The following SLC35F1 variants were observed in gnomAD, a reference collection of about 807,000 sequenced individuals.
SLC35F1 encodes chromosome 6 open reading frame 169.
A neutral mutation model predicts 48.7 loss-of-function variants in SLC35F1; 14 were observed. The ratio of observed to expected loss-of-function variants is 0.29; its 90% confidence interval spans 0.19 to 0.45. The LOEUF is 0.45. SLC35F1 is among the 20% of genes least tolerant of loss of function. The pLI, the probability that SLC35F1 is intolerant of heterozygous loss-of-function variation, is 1.00. For missense variants in SLC35F1, 404 were observed against 500.0 expected (o/e 0.81, Z 1.83); for synonymous variants, 190 against 202.2 (o/e 0.94, Z 0.51).
rs1685321814 is a variant in SLC35F1, at chr6:117,999,580, A to T, written c.173+91681A>T. The T allele has an allele frequency of 9.1e-6, 6 of 659,908 alleles. No individual in the cohort carries two copies. The Admixed American group carries it at 1.1e-4, about 12-fold the overall frequency. The allele number at this position is 659,908 out of a possible 1,614,324, so 40.9% of individuals were successfully genotyped here. A position where few individuals can be genotyped will look rare whatever the true frequency, so the allele number is the denominator to read the frequency against. ...AAACCTGAGGCAGGAAAAAAAAAAA[A>T]AAGAAATACCTAAAATCAGAGCAGA... On this transcript the variant is annotated intron_variant, in intron 1 of 7. Coordinates refer to ENST00000360388, the MANE Select transcript of SLC35F1 (RefSeq NM_001029858.4).
At chr6:118,233,841 T>C (rs1775328295) in intron 2 of SLC35F1, among the ~76,000 whole-genome samples, 1 of 152,198 alleles carries the variant, frequency 6.6e-6, no homozygotes, top group Admixed American at 6.5e-5. Context: ...AGAAAGACTT[T>C]GTGCATGCTT....
At chr6:117,966,122 C>A (rs1776560564) in intron 1 of SLC35F1, among the ~76,000 whole-genome samples, 1 of 90,834 alleles carries the variant, frequency 1.1e-5, no homozygotes, top group Non-Finnish European at 2.2e-5. Context: ...GGAATAAAAG[C>A]AGGCCACCGC....
rs1582577149 is a variant in SLC35F1, at chr6:117,943,565, G to T, written c.173+35666G>T. On this transcript the variant is annotated intron_variant, in intron 1 of 7. Coordinates refer to ENST00000360388, the MANE Select transcript of SLC35F1 (RefSeq NM_001029858.4). Reference sequence around the variant, plus strand: ...TTCTTATGGCTTTAAGAATACATCAGTAGGAGGTCAGAAATAATTAAAATT... The same window carrying T: ...TTCTTATGGCTTTAAGAATACATCATTAGGAGGTCAGAAATAATTAAAATT... 2.6e-5 allele frequency among the ~76,000 whole-genome samples: 4 copies of T among 152,328 alleles called. No individual in the cohort carries two copies. In the South Asian group the frequency reaches 8.3e-4, roughly 32 times the overall value.
At chr6:118,142,755 G>C (rs2114446067) in intron 1 of SLC35F1, among the ~76,000 whole-genome samples, 1 of 152,168 alleles carries the variant, frequency 6.6e-6, no homozygotes, top group African/African-American at 2.4e-5. Flanking sequence ...CATCTTTTAA[G>C]GCAGTCTGTC....
Position 118,070,708 on chromosome 6 carries a change from G to C in SLC35F1, c.174-83737G>C, listed in dbSNP as rs116074387. Among the ~76,000 whole-genome samples the C allele has an allele frequency of 6.8e-3, 1,012 of 149,852 alleles. 15 individuals carry two copies. The highest frequency in any genetic ancestry group is 0.023 in the African/African-American group (932 of 40,778). ...TGCTATTTCTTTTTTTTAAATTTTA[G>C]ACATCATCTACAGTACTAACTTCTT... On this transcript the variant is annotated intron_variant, in intron 1 of 7. Transcript: ENST00000360388.
chr6:118,231,354 G>C (rs1775290755), intron 2 of SLC35F1, among the ~76,000 whole-genome samples: 1 of 152,164 alleles, frequency 6.6e-6, no homozygotes, highest in Admixed American at 6.5e-5. Flanking sequence ...ATTACCAGCT[G>C]TACTGGTGTT....
At chr6:118,136,335 T>C (rs1773794562) in intron 1 of SLC35F1, among the ~76,000 whole-genome samples, 1 of 152,212 alleles carries the variant, frequency 6.6e-6, no homozygotes, top group Non-Finnish European at 1.5e-5. Context: ...GATAGAGACA[T>C]AAAGTTGTCC....
chr6:118,287,496 G>C (rs1159785427), intron 7 of SLC35F1, among the ~76,000 whole-genome samples: 1 of 152,212 alleles, frequency 6.6e-6, no homozygotes, highest in African/African-American at 2.4e-5. Context: ...CCAGCTCCCA[G>C]CATGCCTGAG....
At chr6:117,913,684 T>C (rs1355473004) in intron 1 of SLC35F1, among the ~76,000 whole-genome samples, 1 of 152,070 alleles carries the variant, frequency 6.6e-6, no homozygotes. Flanking sequence ...TTAGAAAAAA[T>C]GTTAGTGGCA....
chr6:118,285,387 A>C, intron 7 of SLC35F1, 49 bp downstream of exon 7: 1 of 1,603,228 alleles, frequency 6.2e-7, no homozygotes, highest in Non-Finnish European at 8.5e-7. Flanking sequence ...TGTAGGAAAC[A>C]ATGAACATGG....
chr6:118,243,390 G>T (rs981311858), intron 3 of SLC35F1, among the ~76,000 whole-genome samples: 6 of 152,222 alleles, frequency 3.9e-5, no homozygotes, highest in African/African-American at 1.4e-4. Flanking sequence ...CAGACAGGAG[G>T]ATTGCTTGAG....
At chr6:118,313,142 G>A (rs1422605495) in intron 7 of SLC35F1, among the ~76,000 whole-genome samples, 2 of 152,146 alleles carry the variant, frequency 1.3e-5, no homozygotes, top group Non-Finnish European at 2.9e-5. Flanking sequence ...AGGCATATAA[G>A]AAACTATTCA....
At chr6:118,130,152 C>T (rs1262698736) in intron 1 of SLC35F1, among the ~76,000 whole-genome samples, 1 of 152,114 alleles carries the variant, frequency 6.6e-6, no homozygotes, top group Non-Finnish European at 1.5e-5. Context: ...GAACTGTTTC[C>T]ACAACTGTAA....
At chr6:118,294,253 G>A (rs1278788569) in intron 7 of SLC35F1, among the ~76,000 whole-genome samples, 1 of 152,170 alleles carries the variant, frequency 6.6e-6, no homozygotes, top group Non-Finnish European at 1.5e-5. Context: ...GGGGTCTCAT[G>A]CATAAAAATG....
At chr6:118,080,635 A>G (rs1772893979) in intron 1 of SLC35F1, among the ~76,000 whole-genome samples, 1 of 152,220 alleles carries the variant, frequency 6.6e-6, no homozygotes, top group Non-Finnish European at 1.5e-5. Flanking sequence ...AGGCTAAGCC[A>G]GGTTTGGAAT....
At chr6:117,926,053 T>G (rs1229313485) in intron 1 of SLC35F1, among the ~76,000 whole-genome samples, 1 of 152,046 alleles carries the variant, frequency 6.6e-6, no homozygotes, top group East Asian at 1.9e-4. Context: ...TAAAAGGAGT[T>G]GGGGAAGGCA....
intron 1 of SLC35F1, among the ~76,000 whole-genome samples, chr6:118,124,834 C>T (rs985996390): frequency 3.9e-5 from 6 of 152,154 alleles, no homozygotes; most frequent in Non-Finnish European, 8.8e-5. Flanking sequence ...TAAAAAAAGA[C>T]TTAAAGTTAC....
chr6:118,249,955 C>A (rs940092785), intron 3 of SLC35F1, among the ~76,000 whole-genome samples: 2 of 152,122 alleles, frequency 1.3e-5, no homozygotes, highest in African/African-American at 4.8e-5. Context: ...TTTGATTCCC[C>A]GTGGCAGAAA....
intron 1 of SLC35F1, among the ~76,000 whole-genome samples, chr6:117,998,101 C>G (rs1348919445): frequency 6.1e-5 from 9 of 147,522 alleles, no homozygotes; most frequent in Non-Finnish European, 9.0e-5. Flanking sequence ...AAATGGAAAA[C>G]AAAAAAAGGC....
Sources: allele counts gnomAD v4.1 joint callset (sites outside exome capture counted in the v4.1 genomes callset), GRCh38; gene constraint gnomAD v4.1.1; transcripts MANE v1.5; gene names NCBI Gene and HGNC (gene_info 2026-07-23, HGNC 2026-07-21).